TNFAIP8L3: variants seen among roughly 807,000 people sequenced by gnomAD.
TNFAIP8L3 encodes tumor necrosis factor alpha-induced protein 8-like protein 3.
Under a neutral mutation model 11.8 loss-of-function variants are expected in TNFAIP8L3, and 7 were observed. That is an observed-to-expected ratio of 0.59 (90% CI 0.34 to 1.11). TNFAIP8L3 has a LOEUF of 1.11. Among genes scored for constraint, TNFAIP8L3 ranks in the 50% most tolerant of loss-of-function variants. The pLI is 0.03. For synonymous variants in TNFAIP8L3, 98 were observed against 103.8 expected (o/e 0.94, Z 0.34); for missense variants, 219 against 258.6 (o/e 0.85, Z 1.05).
upstream of TNFAIP8L3, among the ~76,000 whole-genome samples, chr15:51,097,856 G>GC (rs950539047): frequency 2.0e-5 from 3 of 151,830 alleles, no homozygotes; most frequent in Admixed American, 6.6e-5. Context: ...ATTTCTTGTG[G>GC]GGGGGGAAAA....
rs2065581720 is a variant in TNFAIP8L3 at position 51,105,189 on chromosome 15, GTC to G, written c.-15_-14del. 1.9e-6 allele frequency: 3 copies of G among 1,612,434 alleles called. No individual in the cohort carries two copies. The African/African-American group carries it at 4.0e-5, about 22-fold the overall frequency. Reference sequence around the variant, plus strand: ...GTGGTTTCCCCATTTGGACTCAGGTGTCCTTCTTGGGACAGTAGCCCTAACTT... The same window carrying G: ...GTGGTTTCCCCATTTGGACTCAGGTGCTTCTTGGGACAGTAGCCCTAACTT... On this transcript the variant is annotated 5_prime_UTR_variant, in exon 1 of 3. Transcript: ENST00000327536.
intron 1 of TNFAIP8L3, among the ~76,000 whole-genome samples, chr15:51,090,103 G>T (rs1438177811): frequency 6.6e-6 from 1 of 152,192 alleles, no homozygotes; most frequent in Non-Finnish European, 1.5e-5. Flanking sequence ...AAACACCACT[G>T]CTAAGTGCCT....
At chr15:51,105,002 G>C in intron 1 of TNFAIP8L3, 1 of 1,614,128 alleles carries the variant, frequency 6.2e-7, no homozygotes, top group South Asian at 1.1e-5. Flanking sequence ...AGCCAGTGCT[G>C]ACCAAGTCCC....
chr15:51,085,937 A>G (rs533335554), intron 1 of TNFAIP8L3, among the ~76,000 whole-genome samples: 2 of 152,322 alleles, frequency 1.3e-5, no homozygotes, highest in East Asian at 3.9e-4. Flanking sequence ...TTGGTCAGAA[A>G]ATAATGTTAC....
chr15:51,059,297 T>A (rs1288409043), intron 1 of TNFAIP8L3, among the ~76,000 whole-genome samples: 1 of 152,228 alleles, frequency 6.6e-6, no homozygotes, highest in South Asian at 2.1e-4. Flanking sequence ...GAGCAATATA[T>A]GTTTAAAAAA....
At chr15:51,090,380 C>G (rs1216815879) in intron 1 of TNFAIP8L3, among the ~76,000 whole-genome samples, 1 of 152,180 alleles carries the variant, frequency 6.6e-6, no homozygotes. Context: ...CCAGGCAAAT[C>G]TTGCATCTCT....
upstream of TNFAIP8L3, among the ~76,000 whole-genome samples, chr15:51,095,465 C>T (rs566974502): frequency 4.1e-4 from 62 of 152,000 alleles, no homozygotes; most frequent in African/African-American, 1.5e-3. Flanking sequence ...GGTGGTGAAG[C>T]GGGTTCCGGG....
chr15:51,070,601 CA>C (rs1427310940), intron 1 of TNFAIP8L3, among the ~76,000 whole-genome samples: 1 of 152,158 alleles, frequency 6.6e-6, no homozygotes, highest in African/African-American at 2.4e-5. Context: ...CTGGATTGGG[CA>C]GACTCTGCCC....
intron 1 of TNFAIP8L3, among the ~76,000 whole-genome samples, chr15:51,076,687 A>G (rs2065352748): frequency 6.6e-6 from 1 of 151,966 alleles, no homozygotes. Flanking sequence ...CCTGGTCCTG[A>G]CTTTTGCCAC....
intron 1 of TNFAIP8L3, among the ~76,000 whole-genome samples, chr15:51,092,901 C>T (rs2065482396): frequency 6.6e-6 from 1 of 152,324 alleles, no homozygotes; most frequent in South Asian, 2.1e-4. Context: ...CCGCTTCTCC[C>T]TCAACCCCTT....
intron 1 of TNFAIP8L3, among the ~76,000 whole-genome samples, chr15:51,076,234 A>C (rs1415109602): frequency 6.6e-6 from 1 of 152,164 alleles, no homozygotes; most frequent in Non-Finnish European, 1.5e-5. Flanking sequence ...CTGTGGAATG[A>C]CAGTGTTGAG....
upstream of TNFAIP8L3, among the ~76,000 whole-genome samples, chr15:51,095,277 A>G (rs2065506018): frequency 2.8e-5 from 1 of 36,004 alleles, no homozygotes; most frequent in Non-Finnish European, 5.7e-5. Context: ...GGAATAAGGG[A>G]AGGGGGCGGG....
At chr15:51,083,863 A>G (rs942799306) in intron 1 of TNFAIP8L3, among the ~76,000 whole-genome samples, 1 of 152,242 alleles carries the variant, frequency 6.6e-6, no homozygotes, top group African/African-American at 2.4e-5. Context: ...GGACTGGAAC[A>G]CAGGGAATTG....
chr15:51,066,529 G>A (rs2065273494), intron 1 of TNFAIP8L3, among the ~76,000 whole-genome samples: 1 of 152,180 alleles, frequency 6.6e-6, no homozygotes, highest in Non-Finnish European at 1.5e-5. Context: ...AAAGCTGACT[G>A]AACCTGTCAC....
chr15:51,099,103 A>G (rs2065532598), upstream of TNFAIP8L3, among the ~76,000 whole-genome samples: 3 of 152,238 alleles, frequency 2.0e-5, no homozygotes, highest in Admixed American at 2.0e-4. Context: ...GGTTATCAAG[A>G]ATTTTCATGG....
intron 1 of TNFAIP8L3, among the ~76,000 whole-genome samples, chr15:51,086,712 G>A (rs1321732032): frequency 2.0e-5 from 3 of 152,132 alleles, no homozygotes; most frequent in African/African-American, 7.2e-5. Context: ...GCTGGTATAA[G>A]GATCAACTAC....
intron 1 of TNFAIP8L3, among the ~76,000 whole-genome samples, chr15:51,104,316 G>A (rs1359655383): frequency 6.6e-6 from 1 of 151,992 alleles, no homozygotes; most frequent in Non-Finnish European, 1.5e-5. Context: ...ATCCAGCCTT[G>A]CCCAAATCCA....
chr15:51,096,891 C>CAAAAAAAAAAAAAAAAAA (rs56057102), upstream of TNFAIP8L3, among the ~76,000 whole-genome samples: 3 of 98,280 alleles, frequency 3.1e-5, no homozygotes, highest in Non-Finnish European at 6.2e-5. Flanking sequence ...CACGCTGTCT[C>CAAAAAAAAAAAAAAAAAA]AAAAAAAAAA....
chr15:51,068,962 G>A (rs1180644716), intron 1 of TNFAIP8L3, among the ~76,000 whole-genome samples: 1 of 152,094 alleles, frequency 6.6e-6, no homozygotes, highest in African/African-American at 2.4e-5. Flanking sequence ...ACTGCACCTG[G>A]CCTACCCCTC....
Sources: allele counts gnomAD v4.1 joint callset (sites outside exome capture counted in the v4.1 genomes callset), GRCh38; gene constraint gnomAD v4.1.1; transcripts MANE v1.5; gene names NCBI Gene and HGNC (gene_info 2026-07-23, HGNC 2026-07-21).